Variants in DUSP22 observed in about 807,000 individuals in gnomAD.
DUSP22 encodes dual specificity phosphatase 22, also known as dual specificity protein phosphatase 22.
A neutral mutation model predicts 24.5 loss-of-function variants in DUSP22; 24 were observed. The ratio of observed to expected loss-of-function variants is 0.98; its 90% CI spans 0.71 to 1.38. The LOEUF is 1.38. Among genes scored for constraint, DUSP22 ranks in the 40% most tolerant of loss-of-function variants. DUSP22 has a pLI of 0.00. For synonymous variants in DUSP22, 160 were observed against 106.4 expected, an observed-to-expected ratio of 1.50 and a Z score of -3.10; for missense variants, 330 against 269.2, an observed-to-expected ratio of 1.23 and a Z score of -1.58.
intron 2 of DUSP22, among the ~76,000 whole-genome samples, chr6:307,628 G>A (rs1188229802): frequency 6.6e-6 from 1 of 152,298 alleles, no homozygotes; most frequent in Non-Finnish European, 1.5e-5. Context: ...CCCCTCCCTG[G>A]GCCGGAGGGT....
intron 4 of DUSP22, among the ~76,000 whole-genome samples, chr6:335,434 C>T (rs1430258664): frequency 6.6e-6 from 1 of 152,300 alleles, no homozygotes; most frequent in Non-Finnish European, 1.5e-5. Context: ...CAAAGGATAC[C>T]TTAAACCTTT....
rs895004048 is a variant in DUSP22 at position 322,831 on chromosome 6, G to A, written c.138+10869G>A. Among the ~76,000 whole-genome samples the A allele has an allele frequency of 6.4e-5, 7 of 108,834 alleles. No individual in the cohort carries two copies. In the South Asian group the frequency reaches 1.1e-3, roughly 17 times the overall value. 71.4% of individuals were successfully genotyped at this position (108,834 alleles called of 152,430 possible). A position where few individuals can be genotyped will look rare whatever the true frequency, so the allele number is the denominator to read the frequency against. ...ATTCCGTGGGTTATGGCTGCTTGGT[G>A]GGGCGGGGGGGGGCCTTCGAGTCTG... is the stretch of plus-strand genomic sequence containing the variant. On this transcript the variant is annotated intron_variant, in intron 3 of 6. Coordinates refer to ENST00000419235, the MANE Select transcript of DUSP22 (RefSeq NM_001286555.3).
chr6:309,318 T>C (rs1274685819), intron 2 of DUSP22, among the ~76,000 whole-genome samples: 2 of 152,302 alleles, frequency 1.3e-5, no homozygotes, highest in African/African-American at 4.8e-5. Flanking sequence ...GTTCCTCGTA[T>C]AAAAAGGTTT....
intron 3 of DUSP22, among the ~76,000 whole-genome samples, chr6:316,655 G>T (rs924716979): frequency 1.0e-4 from 16 of 152,406 alleles, no homozygotes; most frequent in East Asian, 9.6e-4. Flanking sequence ...AAAAGAAACA[G>T]AACTCTTTCT....
chr6:346,930 G>A (rs912828299), intron 5 of DUSP22, among the ~76,000 whole-genome samples: 3 of 152,300 alleles, frequency 2.0e-5, no homozygotes, highest in Non-Finnish European at 4.4e-5. Flanking sequence ...ACGACAGGGA[G>A]GACGCTAGAT....
chr6:351,069 A>G lies in DUSP22; in HGVS notation c.*2118A>G. 1.2e-6 allele frequency: 1 copy of G among 820,304 alleles called. No individual in the cohort carries two copies. The highest frequency in any genetic ancestry group is 1.9e-6 in the Non-Finnish European group (1 of 538,126). The allele number at this position is 820,304 out of a possible 1,614,324, so 50.8% of individuals were successfully genotyped here. On this transcript the variant is annotated 3_prime_UTR_variant, in exon 7 of 7. Transcript: ENST00000419235. ...GAGAAAATATTTTCCCCTTATCCCCACTGCTGTGGAGGTTTCTGTACCTCG... is the reference window on the plus strand; with the variant it reads ...GAGAAAATATTTTCCCCTTATCCCCGCTGCTGTGGAGGTTTCTGTACCTCG...
Position 346,429 on chromosome 6 carries a change from GACAC to G in DUSP22, c.263+527_263+530del, listed in dbSNP as rs10642379. ...TTTGCATCCTGCTATATTTTGTGTA[GACAC>G]ACACACACACACACACACACACACA... On this transcript the variant is annotated intron_variant, in intron 5 of 6. Transcript: ENST00000419235. 8.9e-4 allele frequency among the ~76,000 whole-genome samples: 135 copies of G among 151,314 alleles called. No homozygotes were observed. In the South Asian group the frequency reaches 0.014, roughly 16 times the overall value.
chr6:315,594 C>T (rs1407665088), intron 3 of DUSP22, among the ~76,000 whole-genome samples: 1 of 152,312 alleles, frequency 6.6e-6, no homozygotes, highest in Non-Finnish European at 1.5e-5. Flanking sequence ...TGTGCTTGTA[C>T]TAGCAATGTA....
intron 4 of DUSP22, among the ~76,000 whole-genome samples, chr6:337,811 T>C (rs1245014790): frequency 9.2e-5 from 14 of 152,310 alleles, no homozygotes; most frequent in Non-Finnish European, 8.8e-5. Context: ...ATCCCAAATA[T>C]GTGAAGAGGT....
At chr6:308,203 A>G in intron 2 of DUSP22, among the ~76,000 whole-genome samples, 1 of 152,050 alleles carries the variant, frequency 6.6e-6, no homozygotes, top group South Asian at 2.1e-4. Context: ...TTGAGCACCA[A>G]AGCGCTAAGT....
intron 1 of DUSP22, among the ~76,000 whole-genome samples, chr6:303,450 G>A (rs892893467): frequency 6.6e-6 from 1 of 152,302 alleles, no homozygotes; most frequent in African/African-American, 2.4e-5. Context: ...CTAGACATGA[G>A]CCATGGGTTT....
At chr6:346,894 A>G (rs1207100364) in intron 5 of DUSP22, among the ~76,000 whole-genome samples, 14 of 152,296 alleles carry the variant, frequency 9.2e-5, no homozygotes, top group African/African-American at 2.7e-4. Context: ...TATGAAAACT[A>G]TAATGTGTTC....
Position 345,920 on chromosome 6 carries a change from T to G in DUSP22, c.255T>G (p.Leu85=), listed in dbSNP as rs768508855. 6.2e-7 allele frequency: 1 copy of G among 1,614,254 alleles called. No individual in the cohort carries two copies. The highest frequency in any genetic ancestry group is 8.5e-7 in the Non-Finnish European group (1 of 1,180,020). ...HECRLRGESC[L]VHCLAGVSRS... ...GCCGGCTCCGCGGTGAGAGCTGCCT[T>G]GTACACTGGTACGTGTGTCTCTTGC... The change falls in exon 5 of 7, where the codon CTT becomes CTG. Residue 85 remains leucine, a synonymous_variant. Transcript: ENST00000419235.
intron 3 of DUSP22, among the ~76,000 whole-genome samples, chr6:313,514 A>G (rs1758201052): frequency 6.6e-6 from 1 of 152,304 alleles, no homozygotes; most frequent in Non-Finnish European, 1.5e-5. Flanking sequence ...TTCCCGACAC[A>G]ACACACTACA....
intron 1 of DUSP22, among the ~76,000 whole-genome samples, chr6:303,442 A>G (rs1350218737): frequency 1.3e-5 from 2 of 152,428 alleles, no homozygotes; most frequent in African/African-American, 4.8e-5. Context: ...TGCAATCACT[A>G]GACATGAGCC....
intron 6 of DUSP22, 177 bp from the exon 7 acceptor site, chr6:348,592 A>G (rs1317781279): frequency 9.1e-7 from 1 of 1,099,206 alleles, no homozygotes; most frequent in Non-Finnish European, 1.3e-6. Flanking sequence ...TTGAAGGAGC[A>G]GTTCCTTCTC....
chr6:338,732 AAGTAC>A (rs1759470520), intron 4 of DUSP22, among the ~76,000 whole-genome samples: 1 of 152,304 alleles, frequency 6.6e-6, no homozygotes, highest in South Asian at 2.1e-4. Flanking sequence ...TTTTAAACTT[AAGTAC>A]AGATTTTAAA....
rs746128661 is a variant in DUSP22, at chr6:292,554, G to A, written c.15G>A (p.Met5Ile). ...CTTCAGCCACCATGGGGAATGGGATGAACAAGGTAACGTCTTCCCTCGTTC... is the reference window on the plus strand; with the variant it reads ...CTTCAGCCACCATGGGGAATGGGATAAACAAGGTAACGTCTTCCCTCGTTC... MGNG[M>I]NKILPGLYIG... Residue 5 changes from methionine (M) to isoleucine (I), a missense_variant, in exon 1 of 7, where the codon ATG (methionine) becomes ATA (isoleucine). Met to Ile is a conservative substitution (Grantham distance 10, BLOSUM62 1). Coordinates refer to ENST00000419235, the MANE Select transcript of DUSP22 (RefSeq NM_001286555.3). The A allele has an allele frequency of 4.4e-6, 7 of 1,604,196 alleles. No homozygotes were observed. The highest frequency in any genetic ancestry group is 1.1e-5 in the South Asian group (1 of 90,454).
rs1760081080 is a variant in DUSP22 at position 349,560 on chromosome 6, G to T, written c.*609G>T. The T allele has an allele frequency of 2.0e-6, 2 of 989,336 alleles. No homozygotes were observed. The highest frequency in any genetic ancestry group is 9.3e-5 in the South Asian group (2 of 21,480). 61.3% of individuals were successfully genotyped at this position (989,336 alleles called of 1,614,324 possible). ...ATGGCCTCTCCCAGAACCCACCCAGGGTGGTGTGGTGGGGGCAACAGGGGC... is the reference window on the plus strand; with the variant it reads ...ATGGCCTCTCCCAGAACCCACCCAGTGTGGTGTGGTGGGGGCAACAGGGGC... On this transcript the variant is annotated 3_prime_UTR_variant, in exon 7 of 7. Transcript: ENST00000419235.
Sources: allele counts gnomAD v4.1 joint callset (sites outside exome capture counted in the v4.1 genomes callset), GRCh38; gene constraint gnomAD v4.1.1; transcripts MANE v1.5; gene names NCBI Gene and HGNC (gene_info 2026-07-23, HGNC 2026-07-21).